NKAIN1: variants seen among roughly 807,000 people sequenced by gnomAD.
NKAIN1 encodes the protein sodium/potassium transporting ATPase interacting 1.
In NKAIN1, 13 loss-of-function variants were observed where a neutral mutation model predicts 31.6. That is an observed-to-expected ratio of 0.41 (90% CI 0.27 to 0.65). The LOEUF (loss-of-function observed/expected upper bound fraction) is 0.65. Among genes scored for constraint, NKAIN1 ranks in the 30% least tolerant of loss-of-function variants. NKAIN1 has a pLI of 0.30. For missense variants in NKAIN1, 193 were observed against 262.2 expected, an observed-to-expected ratio of 0.74 and a Z score of 1.82; for synonymous variants, 104 against 109.0, an observed-to-expected ratio of 0.95 and a Z score of 0.28.
intron 1 of NKAIN1, among the ~76,000 whole-genome samples, chr1:31,189,803 G>C (rs1170322441): frequency 6.6e-6 from 1 of 152,212 alleles, no homozygotes; most frequent in Non-Finnish European, 1.5e-5. Flanking sequence ...ATATTTGCTG[G>C]AACAATCAGA....
At chr1:31,205,193 C>T (rs899933798) in intron 1 of NKAIN1, among the ~76,000 whole-genome samples, 23 of 152,152 alleles carry the variant, frequency 1.5e-4, no homozygotes, top group Non-Finnish European at 2.2e-4. Flanking sequence ...TACAATGGCT[C>T]GATCTCGGCT....
At chr1:31,226,768 C>A (rs1645611023) in intron 1 of NKAIN1, among the ~76,000 whole-genome samples, 1 of 151,836 alleles carries the variant, frequency 6.6e-6, no homozygotes, top group Admixed American at 6.6e-5. Context: ...AGGTAATCTG[C>A]CCGCCTCCGT....
chr1:31,225,671 G>T (rs540504134), intron 1 of NKAIN1, among the ~76,000 whole-genome samples: 1 of 152,232 alleles, frequency 6.6e-6, no homozygotes, highest in South Asian at 2.1e-4. Context: ...TTGTGTGAGG[G>T]TGGAGGTGAT....
chr1:31,226,721 A>G (rs994649384), intron 1 of NKAIN1, among the ~76,000 whole-genome samples: 8 of 151,544 alleles, frequency 5.3e-5, no homozygotes, highest in African/African-American at 1.9e-4. Flanking sequence ...ACGGGGTTTC[A>G]CCATGTTAGC....
At chr1:31,218,792 C>T (rs1645537641) in intron 1 of NKAIN1, among the ~76,000 whole-genome samples, 1 of 152,240 alleles carries the variant, frequency 6.6e-6, no homozygotes, top group Non-Finnish European at 1.5e-5. Flanking sequence ...CAGTGTGATT[C>T]CCAGGCTGGG....
intron 1 of NKAIN1, among the ~76,000 whole-genome samples, chr1:31,237,431 G>A (rs1205459776): frequency 6.6e-6 from 1 of 152,114 alleles, no homozygotes; most frequent in African/African-American, 2.4e-5. Flanking sequence ...ATCGCCAACA[G>A]AGAATGAGCA....
In NKAIN1 at chr1:31,225,325, C is replaced by CT. The variant is rs139451212; in HGVS notation, c.54+14168dup. Reference sequence around the variant, plus strand: ...ACAGGCATAAGCCACCATGCCCGGCCTTTTTTTTTTTTTTTTTTTTTTTTT... The same window carrying CT: ...ACAGGCATAAGCCACCATGCCCGGCCTTTTTTTTTTTTTTTTTTTTTTTTTT... On this transcript the variant is annotated intron_variant, in intron 1 of 6. Coordinates refer to ENST00000373736, the MANE Select transcript of NKAIN1 (RefSeq NM_024522.3). 3.0e-3 allele frequency among the ~76,000 whole-genome samples: 155 copies of CT among 52,158 alleles called. 6 individuals are homozygous for CT. Among genetic ancestry groups the CT allele is most frequent in the Middle Eastern group, 0.024 (1 of 42 alleles). The allele number at this position is 52,158 out of a possible 152,430, so 34.2% of individuals were successfully genotyped here.
chr1:31,232,424 T>TATATATAGAGAGAGAGAGAG (rs1313157898), intron 1 of NKAIN1, among the ~76,000 whole-genome samples: 2 of 16,924 alleles, frequency 1.2e-4, no homozygotes, highest in African/African-American at 3.4e-4. Flanking sequence ...TATATATATA[T>TATATATAGAGAGAGAGAGAG]AGAGAGAGAG....
At chr1:31,199,586 A>G (rs1335404142) in intron 1 of NKAIN1, among the ~76,000 whole-genome samples, 1 of 152,124 alleles carries the variant, frequency 6.6e-6, no homozygotes, top group Non-Finnish European at 1.5e-5. Context: ...GCAAACTGAC[A>G]GCAGAGGGGG....
At chr1:31,213,550 C>T (rs778178968) in intron 1 of NKAIN1, among the ~76,000 whole-genome samples, 2 of 152,168 alleles carry the variant, frequency 1.3e-5, no homozygotes, top group Non-Finnish European at 2.9e-5. Context: ...AGATATCATG[C>T]GGCCCTGCAT....
chr1:31,183,262 G>T (rs771964187), intron 4 of NKAIN1, among the ~76,000 whole-genome samples: 1 of 151,976 alleles, frequency 6.6e-6, no homozygotes, highest in African/African-American at 2.4e-5. Context: ...GTCACATAGT[G>T]GGTGTATTGA....
At chr1:31,228,618 T>C (rs1645624993) in intron 1 of NKAIN1, among the ~76,000 whole-genome samples, 1 of 152,112 alleles carries the variant, frequency 6.6e-6, no homozygotes, top group Non-Finnish European at 1.5e-5. Context: ...AATTCTTTCT[T>C]GCTTTTTTTC....
intron 1 of NKAIN1, among the ~76,000 whole-genome samples, chr1:31,210,949 A>T (rs1018832995): frequency 4.6e-5 from 7 of 152,246 alleles, no homozygotes; most frequent in African/African-American, 1.7e-4. Flanking sequence ...GCAAAAGCAG[A>T]CATAGCCCCT....
At chr1:31,209,725 G>A (rs114907479) in intron 1 of NKAIN1, among the ~76,000 whole-genome samples, 11,269 of 152,112 alleles carry the variant, frequency 0.074, 1,015 homozygotes, top group African/African-American at 0.22. Context: ...GCTGAGGTGG[G>A]AAGACCACTT....
rs1395232904 is a variant in NKAIN1 at position 31,188,135 on chromosome 1, G to C, written c.107C>G (p.Pro36Arg). The change falls in exon 2 of 7, where the codon CCC (proline) becomes CGC (arginine). Residue 36 changes from proline to arginine, a missense_variant. Physicochemically the swap from Pro to Arg is moderately radical, Grantham distance 103. Coordinates refer to ENST00000373736, the MANE Select transcript of NKAIN1 (RefSeq NM_024522.3). ...IFDFLGYQWA[P>R]ILANFLHIMA... ...GATGTGCAGGAAGTTGGCTAGGATG[G>C]GAGCCCACTGGTAGCCCAGGAAGTC... is the stretch of plus-strand genomic sequence containing the variant. 6.4e-7 allele frequency: 1 copy of C among 1,551,892 alleles called. No individual in the cohort carries two copies. The highest frequency in any genetic ancestry group is 8.7e-7 in the Non-Finnish European group (1 of 1,147,172).
Position 31,181,495 on chromosome 1 carries a change from G to A in NKAIN1, c.*208C>T, listed in dbSNP as rs1645197082. The stretch of plus-strand genomic sequence containing the variant: ...CTCCCCCGCCCCGCCCCACTCCTCC[G>A]AAGTCCGGGCTGCGAAGAGCCAAGC... On this transcript the variant is annotated 3_prime_UTR_variant, in exon 7 of 7. Coordinates refer to ENST00000373736, the MANE Select transcript of NKAIN1 (RefSeq NM_024522.3). 4 of 353,268 alleles carry A rather than the reference G, an allele frequency of 1.1e-5. No individual in the cohort carries two copies. The highest frequency in any genetic ancestry group is 2.0e-5 in the Non-Finnish European group (4 of 198,998). The allele number at this position is 353,268 out of a possible 1,614,324, so 21.9% of individuals were successfully genotyped here.
At chr1:31,209,026 T>C (rs887247355) in intron 1 of NKAIN1, among the ~76,000 whole-genome samples, 1 of 152,180 alleles carries the variant, frequency 6.6e-6, no homozygotes, top group Non-Finnish European at 1.5e-5. Flanking sequence ...ACAGGGAAGA[T>C]GCCCTCCGTG....
intron 1 of NKAIN1, among the ~76,000 whole-genome samples, chr1:31,225,672 T>C (rs973012264): frequency 2.6e-5 from 4 of 152,010 alleles, no homozygotes; most frequent in Non-Finnish European, 4.4e-5. Flanking sequence ...TGTGTGAGGG[T>C]GGAGGTGATG....
At chr1:31,231,873 C>T (rs948411526) in intron 1 of NKAIN1, among the ~76,000 whole-genome samples, 1 of 151,452 alleles carries the variant, frequency 6.6e-6, no homozygotes, top group East Asian at 1.9e-4. Flanking sequence ...TAAGTAAGAA[C>T]ATCTGAAGTT....
Sources: allele counts gnomAD v4.1 joint callset (sites outside exome capture counted in the v4.1 genomes callset), GRCh38; gene constraint gnomAD v4.1.1; transcripts MANE v1.5; gene names NCBI Gene and HGNC (gene_info 2026-07-23, HGNC 2026-07-21).